Variants in VAT1L observed in about 807,000 individuals in gnomAD.
VAT1L encodes putative NADPH-dependent quinone oxidoreductase VAT1L.
A neutral mutation model predicts 44.1 loss-of-function variants in VAT1L; 34 were observed. The observed-to-expected ratio is 0.77, with a 90% confidence interval of 0.59 to 1.03. The LOEUF (loss-of-function observed/expected upper bound fraction) is 1.03. Among genes scored for constraint, VAT1L ranks in the 50% least tolerant of loss-of-function variants. The probability of loss-of-function intolerance (pLI) is 0.00; values close to 1 mark genes in which losing one functional copy is unlikely to be tolerated. For missense variants in VAT1L, 615 were observed against 538.8 expected (o/e 1.14, Z -1.40); for synonymous variants, 253 against 202.2 (o/e 1.25, Z -2.13).
At chr16:77,939,179 T>C (rs1597109637) in intron 7 of VAT1L, among the ~76,000 whole-genome samples, 1 of 152,210 alleles carries the variant, frequency 6.6e-6, no homozygotes, top group African/African-American at 2.4e-5. Flanking sequence ...CCAGGCTAAC[T>C]CTGGGAAAAT....
At chr16:77,825,196 G>A (rs2145246089) in intron 2 of VAT1L, 50 bp from the exon 3 acceptor site, 1 of 1,602,022 alleles carries the variant, frequency 6.2e-7, no homozygotes, top group Admixed American at 1.7e-5. Flanking sequence ...CTCTCCTTGA[G>A]CCTCTGTCAT....
At chr16:77,942,996 C>G (rs1311512873) in intron 7 of VAT1L, among the ~76,000 whole-genome samples, 2 of 151,948 alleles carry the variant, frequency 1.3e-5, no homozygotes, top group South Asian at 2.1e-4. Context: ...CTGCCCGCCT[C>G]GGCCTCCCAA....
intron 3 of VAT1L, among the ~76,000 whole-genome samples, chr16:77,862,453 A>C (rs1392218414): frequency 6.6e-6 from 1 of 151,966 alleles, no homozygotes; most frequent in Non-Finnish European, 1.5e-5. Context: ...CATCTCTACG[A>C]AAAATACAAA....
chr16:77,925,337 G>A (rs1055957375), intron 7 of VAT1L, among the ~76,000 whole-genome samples: 2 of 152,132 alleles, frequency 1.3e-5, no homozygotes, highest in African/African-American at 2.4e-5. Flanking sequence ...ATCTGAATCT[G>A]ACAAATGTGA....
intron 7 of VAT1L, among the ~76,000 whole-genome samples, chr16:77,927,056 T>G (rs921413913): frequency 1.3e-5 from 2 of 152,072 alleles, no homozygotes; most frequent in Non-Finnish European, 2.9e-5. Context: ...AACACTGTTA[T>G]GGCCCGGCGC....
At chr16:77,882,218 A>G (rs913277248) in intron 6 of VAT1L, 1 of 152,262 alleles carries the variant, frequency 6.6e-6, no homozygotes, top group Non-Finnish European at 1.5e-5. Context: ...AGAAGGGCTT[A>G]GAAATTAAAG....
At chr16:77,943,632 G>C (rs950085689) in intron 7 of VAT1L, among the ~76,000 whole-genome samples, 1 of 150,602 alleles carries the variant, frequency 6.6e-6, no homozygotes, top group African/African-American at 2.4e-5. Context: ...TCGATTTCCT[G>C]ACCTCATGAT....
intron 3 of VAT1L, among the ~76,000 whole-genome samples, chr16:77,829,393 T>C (rs1567480357): frequency 1.3e-5 from 2 of 152,200 alleles, no homozygotes; most frequent in Non-Finnish European, 2.9e-5. Flanking sequence ...CATCAAAGGC[T>C]GAGATGGGGA....
At chr16:77,870,018 T>C (rs117292226) in intron 4 of VAT1L, among the ~76,000 whole-genome samples, 3,147 of 152,236 alleles carry the variant, frequency 0.021, 79 homozygotes, top group East Asian at 0.07. Flanking sequence ...CTGGAAAGAA[T>C]AGGGACCAAG....
At chr16:77,906,769 C>G (rs1417269174) in intron 7 of VAT1L, among the ~76,000 whole-genome samples, 2 of 152,220 alleles carry the variant, frequency 1.3e-5, no homozygotes, top group Non-Finnish European at 2.9e-5. Context: ...GGGCTGCCCT[C>G]TCTCACATCA....
chr16:77,891,474 A>G (rs2017265423), intron 7 of VAT1L, among the ~76,000 whole-genome samples: 2 of 152,238 alleles, frequency 1.3e-5, no homozygotes, highest in Non-Finnish European at 2.9e-5. Flanking sequence ...AAGCTGGTCT[A>G]TGAGACGGTA....
At chr16:77,974,723 C>G (rs1034136017) in intron 8 of VAT1L, among the ~76,000 whole-genome samples, 16 of 152,112 alleles carry the variant, frequency 1.1e-4, no homozygotes, top group African/African-American at 3.6e-4. Context: ...CCACCACACC[C>G]AGCTAATTTT....
chr16:77,942,456 C>T (rs996098473), intron 7 of VAT1L, among the ~76,000 whole-genome samples: 3 of 151,780 alleles, frequency 2.0e-5, no homozygotes, highest in African/African-American at 7.3e-5. Context: ...TTTTCATATG[C>T]GCATACAATT....
chr16:77,794,372 G>A (rs967875577), intron 1 of VAT1L, among the ~76,000 whole-genome samples: 3 of 152,096 alleles, frequency 2.0e-5, no homozygotes, highest in Admixed American at 2.0e-4. Context: ...GATGCTTTGG[G>A]GGATCCATCT....
rs186026559 is a variant in VAT1L at position 77,879,946 on chromosome 16, A to G, written c.882+722A>G. Among the ~76,000 whole-genome samples the G allele has an allele frequency of 6.6e-6, 1 of 152,312 alleles. No homozygotes were observed. The highest frequency in any genetic ancestry group is 6.5e-5 in the Admixed American group (1 of 15,306). On this transcript the variant is annotated intron_variant, in intron 6 of 8. Coordinates refer to ENST00000302536, the MANE Select transcript of VAT1L (RefSeq NM_020927.3). The surrounding 1 kb of genome is among the most constrained non-coding windows in gnomAD (Gnocchi z 4.1). Reference sequence around the variant, plus strand: ...CTCCCCATCCTCTTGAATCGGAGATAGAAATGAGGACCCTATGACCTTAAC... The same window carrying G: ...CTCCCCATCCTCTTGAATCGGAGATGGAAATGAGGACCCTATGACCTTAAC...
At chr16:77,944,999 C>T (rs769650302) in intron 7 of VAT1L, among the ~76,000 whole-genome samples, 3 of 152,142 alleles carry the variant, frequency 2.0e-5, no homozygotes, top group Admixed American at 6.6e-5. Context: ...CATGGAATCC[C>T]AGATAATGAA....
At chr16:77,851,567 C>A (rs565219537) in intron 3 of VAT1L, among the ~76,000 whole-genome samples, 6 of 151,982 alleles carry the variant, frequency 3.9e-5, no homozygotes, top group Non-Finnish European at 7.4e-5. Flanking sequence ...GTGGGAGGAT[C>A]GCTTGAGACC....
chr16:77,858,335 C>G (rs185664912), intron 3 of VAT1L, among the ~76,000 whole-genome samples: 3 of 152,282 alleles, frequency 2.0e-5, no homozygotes, highest in East Asian at 3.9e-4. Context: ...AGGGGGAAAG[C>G]ATGTGGGGAA....
chr16:77,883,952 C>T (rs1283009203), intron 6 of VAT1L, among the ~76,000 whole-genome samples: 1 of 152,150 alleles, frequency 6.6e-6, no homozygotes, highest in East Asian at 1.9e-4. Context: ...CCACCATTCA[C>T]TGAGCCAAGT....
Sources: allele counts gnomAD v4.1 joint callset (sites outside exome capture counted in the v4.1 genomes callset), GRCh38; gene constraint gnomAD v4.1.1; non-coding constraint Gnocchi (gnomAD v3.1); transcripts MANE v1.5; gene names NCBI Gene and HGNC (gene_info 2026-07-23, HGNC 2026-07-21).